The following ZNF805 variants were observed in gnomAD, a reference collection of about 807,000 sequenced individuals.
ZNF805 encodes CTC-444N24.8.
ZNF805 carries 7 observed loss-of-function variants against 13.6 expected under a neutral mutation model. The observed-to-expected ratio is 0.51, with a 90% CI of 0.29 to 0.97. ZNF805 has a LOEUF of 0.97. ZNF805 is among the 50% of genes least tolerant of loss of function. ZNF805 has a pLI of 0.08. For missense variants in ZNF805, 604 were observed against 771.0 expected, an observed-to-expected ratio of 0.78 and a Z score of 2.57; for synonymous variants, 293 against 279.8, an observed-to-expected ratio of 1.05 and a Z score of -0.47.
rs1426940526 is a variant in ZNF805 at position 57,261,237 on chromosome 19, G to A, written c.*6534G>A. On this transcript the variant is annotated 3_prime_UTR_variant, in exon 4 of 4. Coordinates refer to ENST00000414468, the MANE Select transcript of ZNF805 (RefSeq NM_001023563.4). ...ATCTTGGCCATTCCTTCAAGCAAAT[G>A]AGATAAACCAGACTCACTCTTTAAT... The A allele has an allele frequency of 6.0e-6, 1 of 166,986 alleles. No individual in the cohort carries two copies. Among genetic ancestry groups the A allele is most frequent in the Admixed American group, 6.6e-5 (1 of 15,260 alleles). 10.3% of individuals were successfully genotyped at this position (166,986 alleles called of 1,614,324 possible).
rs1303324844 is a variant in ZNF805, at chr19:57,261,424, G to A, written c.*6721G>A. On this transcript the variant is annotated 3_prime_UTR_variant, in exon 4 of 4. Coordinates refer to ENST00000414468, the MANE Select transcript of ZNF805 (RefSeq NM_001023563.4). ...ACATCAGTGTATCCCCCTAATTTCT[G>A]TCATGTTACTCAAACCAGACACATT... The A allele has an allele frequency of 6.0e-6, 1 of 167,006 alleles. No individual in the cohort carries two copies. The highest frequency in any genetic ancestry group is 2.4e-5 in the African/African-American group (1 of 41,416). 10.3% of individuals were successfully genotyped at this position (167,006 alleles called of 1,614,324 possible).
rs2087683030 is a variant in ZNF805, at chr19:57,255,612, G to A, written c.*909G>A. 6.6e-6 allele frequency among the ~76,000 whole-genome samples: 1 copy of A among 152,064 alleles called. No homozygotes were observed. The highest frequency in any genetic ancestry group is 6.6e-5 in the Admixed American group (1 of 15,264). On this transcript the variant is annotated 3_prime_UTR_variant, in exon 4 of 4. Transcript: ENST00000414468. The stretch of plus-strand genomic sequence containing the variant: ...CATAGTTTTTTGAGTGATTGTAAAT[G>A]GCATTGATATTTAAAGTTTCAATAT...
chr19:57,261,323 G>C lies in ZNF805; in HGVS notation c.*6620G>C, dbSNP rs1190149873. 1.8e-5 allele frequency: 3 copies of C among 167,078 alleles called. No homozygotes were observed. 10.3% of individuals were successfully genotyped at this position (167,078 alleles called of 1,614,324 possible). ...AGAATGTCTGGGTTTGAGGATATGT[G>C]GGAGGGGTGGGGAGAAGGAGTAGAG... On this transcript the variant is annotated 3_prime_UTR_variant, in exon 4 of 4. Coordinates refer to ENST00000414468, the MANE Select transcript of ZNF805 (RefSeq NM_001023563.4).
At position 57,254,738 on chromosome 19, in the gene ZNF805, T is replaced by C; in HGVS notation, c.*35T>C. 1.3e-6 allele frequency: 2 copies of C among 1,555,052 alleles called. No homozygotes were observed. The highest frequency in any genetic ancestry group is 1.7e-6 in the Non-Finnish European group (2 of 1,150,200). ...CTGTTGCCAAATGTCATTTGTCACC[T>C]AAGGAGTCATATTAGAAAATCACGC... On this transcript the variant is annotated 3_prime_UTR_variant, in exon 4 of 4. Transcript: ENST00000414468.
At chr19:57,248,790 C>G in intron 3 of ZNF805, 90 bp downstream of exon 3, 4 of 1,188,446 alleles carry the variant, frequency 3.4e-6, no homozygotes, top group Non-Finnish European at 3.7e-6. Flanking sequence ...GGAAGCTTCT[C>G]ACTGTGGCTT....
At chr19:57,245,307 A>T (rs2087606100) in intron 2 of ZNF805, among the ~76,000 whole-genome samples, 1 of 151,910 alleles carries the variant, frequency 6.6e-6, no homozygotes. Flanking sequence ...CCTTCTCAGC[A>T]CCACTTGCCT....
chr19:57,253,193 C>G lies in ZNF805; in HGVS notation c.374C>G (p.Pro125Arg). Residue 125 changes from proline to arginine, a missense_variant, in exon 4 of 4, where the codon CCC (proline) becomes CGC (arginine). Physicochemically the swap from Pro to Arg is moderately radical, Grantham distance 103 (BLOSUM62 -2). This residue lies in a region of ZNF805 where 327 missense variants were observed against 378.2 expected (regional missense o/e 0.86). Transcript: ENST00000414468. The surrounding 1 kb of genome is among the most constrained non-coding windows in gnomAD (Gnocchi z 4.4). ...GASGDSQLGQ[P>R]KDQDGFSEMQ... Reference sequence around the variant, plus strand: ...TCAGGGGACTCCCAGTTGGGGCAACCCAAGGATCAGGATGGGTTTTCAGAA... The same window carrying G: ...TCAGGGGACTCCCAGTTGGGGCAACGCAAGGATCAGGATGGGTTTTCAGAA... 1 of 1,561,590 alleles carries G rather than the reference C, an allele frequency of 6.4e-7. No homozygotes were observed. Among genetic ancestry groups the G allele is most frequent in the Non-Finnish European group, 8.7e-7 (1 of 1,153,024 alleles).
chr19:57,254,762 G>A lies in ZNF805; in HGVS notation c.*59G>A, dbSNP rs920423361. Reference sequence around the variant, plus strand: ...CTAAGGAGTCATATTAGAAAATCACGCAGCTTAGAGCCTTATTCTCCATCC... The same window carrying A: ...CTAAGGAGTCATATTAGAAAATCACACAGCTTAGAGCCTTATTCTCCATCC... On this transcript the variant is annotated 3_prime_UTR_variant, in exon 4 of 4. Transcript: ENST00000414468. The A allele has an allele frequency of 4.6e-5, 69 of 1,492,746 alleles. No individual in the cohort carries two copies. The African/African-American group carries it at 5.1e-4, about 11-fold the overall frequency. 92.5% of individuals were successfully genotyped at this position (1,492,746 alleles called of 1,614,324 possible). A position where few individuals can be genotyped will look rare whatever the true frequency, so the allele number is the denominator to read the frequency against.
chr19:57,245,800 T>C (rs775631772), intron 2 of ZNF805, among the ~76,000 whole-genome samples: 2 of 149,630 alleles, frequency 1.3e-5, no homozygotes, highest in Non-Finnish European at 3.0e-5. Flanking sequence ...AAACCTAAGA[T>C]GATAACATTG....
At chr19:57,244,199 C>CAT in intron 2 of ZNF805, 150 bp downstream of exon 2, 5 of 290,934 alleles carry the variant, frequency 1.7e-5, no homozygotes, top group Non-Finnish European at 2.6e-5. Context: ...TCACCTCTTC[C>CAT]TTTTTTTTTT....
At chr19:57,245,036 A>T (rs905565832) in intron 2 of ZNF805, among the ~76,000 whole-genome samples, 16 of 152,168 alleles carry the variant, frequency 1.1e-4, no homozygotes, top group East Asian at 1.9e-4. Flanking sequence ...CTGTGGTGTA[A>T]GGGTTGGTGG....
At position 57,256,252 on chromosome 19, in the gene ZNF805, A is replaced by C. The variant is rs1453180617; in HGVS notation, c.*1549A>C. On this transcript the variant is annotated 3_prime_UTR_variant, in exon 4 of 4. Coordinates refer to ENST00000414468, the MANE Select transcript of ZNF805 (RefSeq NM_001023563.4). ...TTCATTTGCTAGTATTTTGTTGAGG[A>C]AGCTTTCCTCTGATTTCATGAGTGA... 6.6e-6 allele frequency among the ~76,000 whole-genome samples: 1 copy of C among 152,108 alleles called. No homozygotes were observed. Among genetic ancestry groups the C allele is most frequent in the African/African-American group, 2.4e-5 (1 of 41,436 alleles).
intron 2 of ZNF805, among the ~76,000 whole-genome samples, chr19:57,244,720 C>T (rs1189287156): frequency 6.6e-6 from 1 of 152,178 alleles, no homozygotes; most frequent in East Asian, 1.9e-4. Context: ...CTGTCTGGGT[C>T]TGCTCATGTC....
At chr19:57,251,963 C>T (rs1157634971) in intron 3 of ZNF805, among the ~76,000 whole-genome samples, 1 of 152,142 alleles carries the variant, frequency 6.6e-6, no homozygotes, top group Non-Finnish European at 1.5e-5. Flanking sequence ...TCCCAGTTTG[C>T]ATTATGTCTG....
rs937249715 is a variant in ZNF805 at position 57,256,854 on chromosome 19, G to C, written c.*2151G>C. On this transcript the variant is annotated 3_prime_UTR_variant, in exon 4 of 4. Transcript: ENST00000414468. ...TCTCCTACTTGCTCTGGTTGTATTT[G>C]ACTCAGTGGTTTCCTGACGTGGATG... 6.6e-6 allele frequency among the ~76,000 whole-genome samples: 1 copy of C among 152,020 alleles called. No individual in the cohort carries two copies. The highest frequency in any genetic ancestry group is 1.5e-5 in the Non-Finnish European group (1 of 67,984).
chr19:57,256,369 TTC>T lies in ZNF805; in HGVS notation c.*1668_*1669del, dbSNP rs2087687459. ...CTAACATGAATTGGAAGGAATTCTC[TTC>T]TGTTTTTTTGGAAGATCATGTGTAG... On this transcript the variant is annotated 3_prime_UTR_variant, in exon 4 of 4. Coordinates refer to ENST00000414468, the MANE Select transcript of ZNF805 (RefSeq NM_001023563.4). 6.6e-6 allele frequency among the ~76,000 whole-genome samples: 1 copy of T among 152,190 alleles called. No homozygotes were observed. The highest frequency in any genetic ancestry group is 1.5e-5 in the Non-Finnish European group (1 of 67,992).
chr19:57,254,111 A>C lies in ZNF805; in HGVS notation c.1292A>C (p.Glu431Ala), dbSNP rs2087670701. The change falls in exon 4 of 4, where the codon GAA becomes GCA. Residue 431 changes from glutamate to alanine, a missense_variant. Transcript: ENST00000414468. ...GGGGAGAAGCCATATGTGTGTAGTG[A>C]ATGCGGAAAGGCCTTCACCCACTGC... ...HTGEKPYVCSECGKAFTHCST... is the reference protein window; with the variant it reads ...HTGEKPYVCSACGKAFTHCST... The C allele has an allele frequency of 2.5e-6, 4 of 1,613,734 alleles. No individual in the cohort carries two copies. Among genetic ancestry groups the C allele is most frequent in the Non-Finnish European group, 3.4e-6 (4 of 1,179,998 alleles).
Position 57,254,829 on chromosome 19 carries a change from G to A in ZNF805, c.*126G>A. The A allele has an allele frequency of 1.0e-6, 1 of 982,998 alleles. No individual in the cohort carries two copies. Among genetic ancestry groups the A allele is most frequent in the Non-Finnish European group, 1.5e-6 (1 of 673,230 alleles). The allele number at this position is 982,998 out of a possible 1,614,324, so 60.9% of individuals were successfully genotyped here. On this transcript the variant is annotated 3_prime_UTR_variant, in exon 4 of 4. Transcript: ENST00000414468. ...AACACCCAGTGGTTATTACGCACTT[G>A]GGAAAACCTTTAGCTCCATCTTTCT...
At chr19:57,245,555 G>T (rs369328282) in intron 2 of ZNF805, among the ~76,000 whole-genome samples, 2 of 150,936 alleles carry the variant, frequency 1.3e-5, no homozygotes, top group Admixed American at 1.3e-4. Context: ...CGAGATGGGC[G>T]GATCACAAGG....
Sources: allele counts gnomAD v4.1 joint callset (sites outside exome capture counted in the v4.1 genomes callset), GRCh38; gene constraint gnomAD v4.1.1; regional missense constraint gnomAD v4.1.1; non-coding constraint Gnocchi (gnomAD v3.1); transcripts MANE v1.5; gene names NCBI Gene and HGNC (gene_info 2026-07-23, HGNC 2026-07-21).